The following CLDN18 variants were observed in gnomAD, a reference collection of about 807,000 sequenced individuals.
The protein encoded by CLDN18 is claudin 18, also known as claudin-18.
Under a neutral mutation model 25.0 loss-of-function variants are expected in CLDN18, and 20 were observed. The observed-to-expected ratio is 0.80, with a 90% CI of 0.56 to 1.16. CLDN18 has a LOEUF of 1.16. Among genes scored for constraint, CLDN18 ranks in the 50% most tolerant of loss-of-function variants. The probability of loss-of-function intolerance (pLI) is 0.00; values close to 1 mark genes in which losing one functional copy is unlikely to be tolerated. For synonymous variants in CLDN18, 125 were observed against 135.6 expected, an observed-to-expected ratio of 0.92 and a Z score of 0.54; for missense variants, 297 against 345.4, an observed-to-expected ratio of 0.86 and a Z score of 1.11.
chr3:138,013,620 A>G (rs1279884553), intron 1 of CLDN18, among the ~76,000 whole-genome samples: 1 of 152,192 alleles, frequency 6.6e-6, no homozygotes, highest in African/African-American at 2.4e-5. Flanking sequence ...GAGATGTAGG[A>G]GCACATAGCT....
At chr3:138,003,513 T>C (rs1052053058) in intron 1 of CLDN18, among the ~76,000 whole-genome samples, 10 of 152,348 alleles carry the variant, frequency 6.6e-5, no homozygotes, top group Admixed American at 6.5e-4. Context: ...TCTGCTTATA[T>C]GTGATATGGG....
intron 3 of CLDN18, among the ~76,000 whole-genome samples, chr3:138,026,583 T>G (rs1028787942): frequency 1.3e-4 from 20 of 152,008 alleles, no homozygotes; most frequent in Admixed American, 5.9e-4. Context: ...AGGCAGAGGT[T>G]GCAGTGAGCC....
At chr3:138,026,506 G>A (rs759170498) in intron 3 of CLDN18, among the ~76,000 whole-genome samples, 26 of 152,118 alleles carry the variant, frequency 1.7e-4, no homozygotes, top group Non-Finnish European at 3.4e-4. Flanking sequence ...TTAGCTGGGC[G>A]TGGTGGCAGG....
rs1252607574 is a variant in CLDN18 at position 138,024,733 on chromosome 3, C to T, written c.503+9C>T. On this transcript the variant is annotated intron_variant, in intron 3 of 4. Coordinates refer to ENST00000183605, the MANE Select transcript of CLDN18 (RefSeq NM_016369.4). Reference sequence around the variant, plus strand: ...CAGACTGTTCAGACCAGGTAACCTCCTAATCTAGGTCTCGGCATTCACCAT... The same window carrying T: ...CAGACTGTTCAGACCAGGTAACCTCTTAATCTAGGTCTCGGCATTCACCAT... 2.1e-6 allele frequency: 3 copies of T among 1,437,528 alleles called. No homozygotes were observed. Among genetic ancestry groups the T allele is most frequent in the South Asian group, 1.2e-5 (1 of 86,266 alleles). The allele number at this position is 1,437,528 out of a possible 1,614,324, so 89.0% of individuals were successfully genotyped here.
In CLDN18 at chr3:138,032,614, T is replaced by C. The variant is rs1414595733; in HGVS notation, c.*1473T>C. ...TTTCCTGGCACTGTGGTCGGTTTTG[T>C]TTTGTTTTGCTTTGTTTAGAGACGG... On this transcript the variant is annotated 3_prime_UTR_variant, in exon 5 of 5. Transcript: ENST00000183605. 6.6e-6 allele frequency: 1 copy of C among 152,128 alleles called. No homozygotes were observed. Among genetic ancestry groups the C allele is most frequent in the Non-Finnish European group, 1.5e-5 (1 of 68,046 alleles). The allele number at this position is 152,128 out of a possible 1,614,324, so 9.4% of individuals were successfully genotyped here.
upstream of CLDN18, among the ~76,000 whole-genome samples, chr3:138,005,747 TAA>T (rs1248647467): frequency 6.6e-6 from 1 of 152,150 alleles, no homozygotes; most frequent in Non-Finnish European, 1.5e-5. Flanking sequence ...TGGTTGTGTA[TAA>T]AAAAAGATTT....
intron 4 of CLDN18, among the ~76,000 whole-genome samples, 179 bp downstream of exon 4, chr3:138,030,086 C>G (rs769785278): frequency 6.6e-6 from 1 of 152,204 alleles, no homozygotes; most frequent in African/African-American, 2.4e-5. Context: ...AATATTTCAG[C>G]CTAGACTGAT....
At chr3:138,000,771 G>A (rs567927461) in intron 1 of CLDN18, among the ~76,000 whole-genome samples, 7 of 152,322 alleles carry the variant, frequency 4.6e-5, no homozygotes, top group African/African-American at 7.2e-5. Flanking sequence ...CCTCTTCCAC[G>A]TTCCCATGTC....
rs1290191392 is a variant in CLDN18, at chr3:138,033,439, A to G, written c.*2298A>G. 6.6e-6 allele frequency: 1 copy of G among 152,174 alleles called. No homozygotes were observed. The highest frequency in any genetic ancestry group is 1.5e-5 in the Non-Finnish European group (1 of 68,030). 9.4% of individuals were successfully genotyped at this position (152,174 alleles called of 1,614,324 possible). ...ATGAGCTCTCCCTTCTACCACCAGA[A>G]AGTCCCTGGTCAGGTCTCAGGTAGT... On this transcript the variant is annotated 3_prime_UTR_variant, in exon 5 of 5. Coordinates refer to ENST00000183605, the MANE Select transcript of CLDN18 (RefSeq NM_016369.4).
chr3:138,024,576 AC>A, intron 2 of CLDN18, 30 bp from the exon 3 acceptor site: 1 of 1,345,662 alleles, frequency 7.4e-7, no homozygotes, highest in South Asian at 1.2e-5. Flanking sequence ...CTTGAAACTA[AC>A]TCTGGAGTTT....
intron 1 of CLDN18, among the ~76,000 whole-genome samples, chr3:138,001,311 G>A (rs1942012950): frequency 6.6e-6 from 1 of 151,682 alleles, no homozygotes; most frequent in Admixed American, 6.6e-5. Context: ...GTCTGATGCT[G>A]CAGGCCCATA....
intron 1 of CLDN18, among the ~76,000 whole-genome samples, chr3:138,002,092 T>C (rs1378018751): frequency 6.6e-6 from 1 of 152,190 alleles, no homozygotes; most frequent in Non-Finnish European, 1.5e-5. Context: ...AGAACTGTTT[T>C]ACAAAATAAT....
At chr3:138,020,361 A>G (rs1942256695) in intron 1 of CLDN18, among the ~76,000 whole-genome samples, 1 of 152,236 alleles carries the variant, frequency 6.6e-6, no homozygotes, top group Non-Finnish European at 1.5e-5. Context: ...AATCAAGTAT[A>G]TGGAGATCAA....
At chr3:138,009,775 T>C (rs1942108917), upstream of CLDN18, among the ~76,000 whole-genome samples, 1 of 152,254 alleles carries the variant, frequency 6.6e-6, no homozygotes, top group Admixed American at 6.5e-5. Context: ...GTGAAAAGTC[T>C]GGTTTAAGAC....
intron 1 of CLDN18, among the ~76,000 whole-genome samples, chr3:138,011,771 A>G (rs1341580661): frequency 6.6e-6 from 1 of 152,148 alleles, no homozygotes; most frequent in Non-Finnish European, 1.5e-5. Context: ...ACTACATATT[A>G]TCAATCTCTT....
chr3:138,012,128 G>A (rs1460226410), intron 1 of CLDN18, among the ~76,000 whole-genome samples: 1 of 152,130 alleles, frequency 6.6e-6, no homozygotes, highest in Non-Finnish European at 1.5e-5. Context: ...CCTTCCTGGG[G>A]AAATCTGTTG....
chr3:138,005,397 C>A (rs1015480256), upstream of CLDN18, among the ~76,000 whole-genome samples: 2 of 152,008 alleles, frequency 1.3e-5, no homozygotes, highest in Non-Finnish European at 2.9e-5. Flanking sequence ...TGCCACCCAC[C>A]CCCCTAACAG....
At chr3:138,030,914 G>T (rs781530876) in intron 4 of CLDN18, 56 bp from the exon 5 acceptor site, 247 of 1,480,726 alleles carry the variant, frequency 1.7e-4, no homozygotes, top group Non-Finnish European at 2.1e-4. Flanking sequence ...GTAAATAGGA[G>T]GTTGGTCCTA....
chr3:138,024,810 T>C (rs1942306771), intron 3 of CLDN18, 86 bp downstream of exon 3: 1 of 765,286 alleles, frequency 1.3e-6, no homozygotes, highest in Admixed American at 2.5e-5. Context: ...AATGTGACTG[T>C]CAGTGCCTGA....
Sources: gnomAD v4.1 joint callset for allele counts (sites outside exome capture counted in the v4.1 genomes callset) on GRCh38, gnomAD v4.1.1 for gene constraint, MANE v1.5 for transcripts, NCBI Gene and HGNC (gene_info 2026-07-23, HGNC 2026-07-21) for gene names.